The following GLE1 variants were observed in gnomAD, a reference collection of about 807,000 sequenced individuals.
The protein encoded by GLE1 is GLE1 RNA export mediator.
In GLE1, 78 loss-of-function variants were observed where a neutral mutation model predicts 97.3. The observed-to-expected ratio is 0.80, with a 90% CI of 0.67 to 0.97. GLE1 has a LOEUF of 0.97. Among genes scored for constraint, GLE1 ranks in the 50% least tolerant of loss-of-function variants. The probability of loss-of-function intolerance (pLI) is 0.00; values close to 1 mark genes in which losing one functional copy is unlikely to be tolerated. For missense variants in GLE1, 753 were observed against 857.5 expected (o/e 0.88, Z 1.52); for synonymous variants, 302 against 313.4 (o/e 0.96, Z 0.39).
intron 13 of GLE1, 37 bp downstream of exon 13, chr9:128,538,127 G>C (rs1589078018): frequency 8.9e-7 from 1 of 1,122,816 alleles, no homozygotes. Context: ...GAAGGCCAGT[G>C]GTTGAGGTAG....
chr9:128,506,923 A>G (rs1846655472), intron 1 of GLE1, among the ~76,000 whole-genome samples: 1 of 152,204 alleles, frequency 6.6e-6, no homozygotes, highest in African/African-American at 2.4e-5. Context: ...TTATTTGCTC[A>G]ATCAGTTTAC....
At chr9:128,533,427 CAAAAAAAAAAAAAAAAA>C (rs5900802) in intron 9 of GLE1, 69 bp from the exon 10 acceptor site, 10 of 453,632 alleles carry the variant, frequency 2.2e-5, no homozygotes, top group Non-Finnish European at 3.5e-5. Flanking sequence ...GATACTGTCT[CAAAAAAAAAAAAAAAAA>C]AAAAAAAAGG....
At chr9:128,531,521 A>G (rs1203222077) in intron 9 of GLE1, among the ~76,000 whole-genome samples, 2 of 149,060 alleles carry the variant, frequency 1.3e-5, no homozygotes, top group East Asian at 3.9e-4. Context: ...GTGAGACTTC[A>G]TCTCAAAAAA....
intron 15 of GLE1, 144 bp from the exon 16 acceptor site, chr9:128,540,958 C>T: frequency 1.5e-6 from 1 of 687,508 alleles, no homozygotes; most frequent in African/African-American, 1.8e-5. Context: ...TATACAGAAC[C>T]ATCAGTCTTA....
At chr9:128,507,811 C>G (rs1033869076) in intron 1 of GLE1, among the ~76,000 whole-genome samples, 1 of 150,668 alleles carries the variant, frequency 6.6e-6, no homozygotes, top group African/African-American at 2.4e-5. Context: ...TTGCTTGAAC[C>G]CGGGAGGTGG....
chr9:128,531,378 T>C (rs1847500503), intron 9 of GLE1, among the ~76,000 whole-genome samples: 2 of 150,682 alleles, frequency 1.3e-5, no homozygotes, highest in Non-Finnish European at 3.0e-5. Flanking sequence ...AATACAAATA[T>C]TAGCCAGATG....
intron 12 of GLE1, chr9:128,536,894 G>T: frequency 5.0e-6 from 1 of 200,918 alleles, no homozygotes. Context: ...TGACTTGCCA[G>T]CCCAATTAAT....
At chr9:128,525,605 C>T (rs1325466584) in intron 7 of GLE1, among the ~76,000 whole-genome samples, 182 bp downstream of exon 7, 2 of 152,180 alleles carry the variant, frequency 1.3e-5, no homozygotes, top group Non-Finnish European at 2.9e-5. Flanking sequence ...TGCGTGAGGA[C>T]TTGAAATTCT....
Position 128,527,487 on chromosome 9 carries a change from C to T in GLE1, c.1274C>T (p.Ala425Val). 6.2e-7 allele frequency: 1 copy of T among 1,613,198 alleles called. No individual in the cohort carries two copies. Among genetic ancestry groups the T allele is most frequent in the Non-Finnish European group, 8.5e-7 (1 of 1,179,178 alleles). ...AAGATAAAGATGGACCTCCAGAAGG[C>T]TGCTACCATCCCAGTGAGCCAAATC... ...AKKIKMDLQK[A>V]ATIPVSQIST... The change falls in exon 9 of 16, where the codon GCT becomes GTT. Residue 425 changes from alanine (A) to valine (V), a missense_variant. Coordinates refer to ENST00000309971, the MANE Select transcript of GLE1 (RefSeq NM_001003722.2).
rs1846729543 is a variant in GLE1, at chr9:128,509,095, A to G, written c.319A>G (p.Lys107Glu). The G allele has an allele frequency of 6.3e-7, 1 of 1,583,740 alleles. No individual in the cohort carries two copies. Among genetic ancestry groups the G allele is most frequent in the African/African-American group, 1.3e-5 (1 of 74,458 alleles). The change falls in exon 2 of 16, where the codon AAG becomes GAG. Residue 107 changes from lysine (K) to glutamate (E), a missense_variant and splice_region_variant. Lys to Glu is a moderately conservative substitution (Grantham distance 56, BLOSUM62 1). Transcript: ENST00000309971. ...CTCCCCTGCAACACCAAATGGAACC[A>G]AGGTAAGGTTGTGATCAGCTTAAGA... ...PASPATPNGT[K>E]GKDESQHTES... is the part of the protein sequence containing the mutation.
Position 128,525,279 on chromosome 9 carries a change from A to G in GLE1, c.985A>G (p.Ile329Val), listed in dbSNP as rs1164703925. ...CCTCCTGATGAACTTGGGGCAGGAG[A>G]TCACCAGAGCCTGCGAAGACAAGAG... ...RDLLMNLGQEITRACEDKRRQ... is the reference protein window; with the variant it reads ...RDLLMNLGQEVTRACEDKRRQ... Residue 329 changes from isoleucine to valine, a missense_variant, in exon 7 of 16, where the codon ATC becomes GTC. Coordinates refer to ENST00000309971, the MANE Select transcript of GLE1 (RefSeq NM_001003722.2). 4 of 1,613,830 alleles carry G rather than the reference A, an allele frequency of 2.5e-6. No homozygotes were observed. The African/African-American group carries it at 4.0e-5, about 16-fold the overall frequency.
intron 9 of GLE1, among the ~76,000 whole-genome samples, chr9:128,529,958 A>G (rs767070377): frequency 1.3e-5 from 2 of 151,882 alleles, no homozygotes; most frequent in Non-Finnish European, 2.9e-5. Flanking sequence ...TTGTATTTTT[A>G]GTAGAGACCA....
At chr9:128,519,438 C>T (rs1847077486) in intron 3 of GLE1, among the ~76,000 whole-genome samples, 1 of 152,132 alleles carries the variant, frequency 6.6e-6, no homozygotes, top group African/African-American at 2.4e-5. Context: ...TAGATGGCCC[C>T]CTGCATGTGG....
chr9:128,535,251 C>T (rs1380705346), intron 11 of GLE1, among the ~76,000 whole-genome samples: 6 of 146,472 alleles, frequency 4.1e-5, no homozygotes, highest in Middle Eastern at 4.2e-3. Flanking sequence ...GTGGCTCACG[C>T]CTGTAATCCC....
At chr9:128,509,617 T>C (rs1349751983) in intron 2 of GLE1, among the ~76,000 whole-genome samples, 1 of 151,400 alleles carries the variant, frequency 6.6e-6, no homozygotes, top group Non-Finnish European at 1.5e-5. Flanking sequence ...TTCCTTTCTC[T>C]TTCTCTTGCC....
chr9:128,534,920 T>C (rs953954314), intron 11 of GLE1, among the ~76,000 whole-genome samples: 1 of 151,742 alleles, frequency 6.6e-6, no homozygotes, highest in African/African-American at 2.4e-5. Flanking sequence ...GGTTTCACCA[T>C]GTTGGCCAGG....
chr9:128,531,468 G>A (rs2132496199), intron 9 of GLE1, among the ~76,000 whole-genome samples: 1 of 151,002 alleles, frequency 6.6e-6, no homozygotes, highest in South Asian at 2.1e-4. Flanking sequence ...GGAGGTTGCA[G>A]TAAGCCAAGA....
At chr9:128,506,091 A>G (rs1013514839) in intron 1 of GLE1, among the ~76,000 whole-genome samples, 1 of 152,210 alleles carries the variant, frequency 6.6e-6, no homozygotes, top group Non-Finnish European at 1.5e-5. Flanking sequence ...CAGGCCCGTA[A>G]TCCCAGCACG....
At chr9:128,526,181 C>G (rs1290657559) in intron 7 of GLE1, among the ~76,000 whole-genome samples, 1 of 151,136 alleles carries the variant, frequency 6.6e-6, no homozygotes, top group East Asian at 2.0e-4. Context: ...GCCACTGTGC[C>G]TGGCTAATTT....
Sources: gnomAD v4.1 joint callset for allele counts (sites outside exome capture counted in the v4.1 genomes callset) on GRCh38, gnomAD v4.1.1 for gene constraint, MANE v1.5 for transcripts, NCBI Gene and HGNC (gene_info 2026-07-23, HGNC 2026-07-21) for gene names.